The following PKD1L1 variants were observed in gnomAD, a reference collection of about 807,000 sequenced individuals.
PKD1L1 encodes polycystin 1 like 1, transient receptor potential channel interacting, also known as polycystin-1-like protein 1.
In PKD1L1, 236 loss-of-function variants were observed where a neutral mutation model predicts 323.4. The ratio of observed to expected loss-of-function variants is 0.73; its 90% CI spans 0.66 to 0.81. PKD1L1 has a LOEUF of 0.81. Among genes scored for constraint, PKD1L1 ranks in the 40% least tolerant of loss-of-function variants. The pLI, the probability that PKD1L1 is intolerant of heterozygous loss-of-function variation, is 0.00. For synonymous variants in PKD1L1, 1,344 were observed against 1,335.0 expected (o/e 1.01, Z -0.15); for missense variants, 3,320 against 3,508.0 (o/e 0.95, Z 1.35).
the PKD1L1 span, among the ~76,000 whole-genome samples, chr7:47,953,515 A>C: frequency 3.7e-4 from 56 of 152,336 alleles, no homozygotes; most frequent in Admixed American, 2.9e-3. Flanking sequence ...GGTCCCTCTC[A>C]GCTTCCCCAT....
intron 51 of PKD1L1, 66 bp from the exon 52 acceptor site, chr7:47,808,453 G>T: frequency 6.3e-7 from 1 of 1,585,478 alleles, no homozygotes; most frequent in South Asian, 1.1e-5. Context: ...CACCCCATGT[G>T]ACACGCGTTT....
intron 7 of PKD1L1, among the ~76,000 whole-genome samples, chr7:47,924,834 A>G (rs970896261): frequency 1.3e-5 from 2 of 152,224 alleles, no homozygotes; most frequent in Non-Finnish European, 2.9e-5. Context: ...AAAACACTGG[A>G]AGGATCTTGA....
chr7:47,949,649 T>G (rs1223371457), upstream of PKD1L1, among the ~76,000 whole-genome samples: 1 of 152,198 alleles, frequency 6.6e-6, no homozygotes, highest in Non-Finnish European at 1.5e-5. Flanking sequence ...ATACCAACAT[T>G]TAAACCTTCA....
chr7:47,891,071 T>G (rs1237649435), intron 15 of PKD1L1, among the ~76,000 whole-genome samples: 2 of 152,174 alleles, frequency 1.3e-5, no homozygotes, highest in Non-Finnish European at 2.9e-5. Context: ...TCTGCTCACA[T>G]GACTGCCACT....
intron 14 of PKD1L1, among the ~76,000 whole-genome samples, chr7:47,894,386 T>C (rs1055282932): frequency 6.6e-6 from 1 of 152,252 alleles, no homozygotes; most frequent in Non-Finnish European, 1.5e-5. Flanking sequence ...CAGTGAATTG[T>C]TCAGGCTCCT....
In PKD1L1 at chr7:47,792,652, T is replaced by C; in HGVS notation, c.8501A>G (p.Asp2834Gly). The C allele has an allele frequency of 6.2e-7, 1 of 1,613,474 alleles. No individual in the cohort carries two copies. Residue 2834 changes from aspartate to glycine, a missense_variant, in exon 56 of 57, where the codon GAC (aspartate) becomes GGC (glycine). Physicochemically the swap from Asp to Gly is moderately conservative, Grantham distance 94. Coordinates refer to ENST00000289672, the MANE Select transcript of PKD1L1 (RefSeq NM_138295.5). ...EARTEESPLV[D>G]ISSYQAAEPA... ...CTCAGCAGCTTGGTAACTAGAAATG[T>C]CCACTAAGGGACTCTCTTCTGTCCT...
chr7:47,921,942 A>G (rs1414093586), intron 7 of PKD1L1, among the ~76,000 whole-genome samples: 1 of 105,216 alleles, frequency 9.5e-6, no homozygotes, highest in Non-Finnish European at 1.8e-5. Flanking sequence ...TCCCCTTTGC[A>G]CAGTCTCCCT....
intron 7 of PKD1L1, among the ~76,000 whole-genome samples, chr7:47,924,962 C>T (rs1369980139): frequency 6.6e-6 from 1 of 152,118 alleles, no homozygotes; most frequent in Non-Finnish European, 1.5e-5. Flanking sequence ...GGTTGATAAT[C>T]ACCATTCATA....
At chr7:47,929,119 C>A (rs1006748326) in intron 7 of PKD1L1, 85 bp downstream of exon 7, 7 of 1,390,390 alleles carry the variant, frequency 5.0e-6, no homozygotes, top group Middle Eastern at 2.0e-4. Context: ...AATGCAGTTT[C>A]TTTTCTTTTC....
Position 47,880,750 on chromosome 7 carries a change from C to CG in PKD1L1, c.3497dup (p.Tyr1167ValfsTer16). ...TACCCACAGACACTTGCAGGACGTA[C>CG]GTCTCTCCACTGCTCAGAGAGTATG... On this transcript the variant is annotated frameshift_variant, in exon 21 of 57. Transcript: ENST00000289672. LOFTEE classifies it high-confidence loss of function. The CG allele has an allele frequency of 6.2e-7, 1 of 1,608,118 alleles. No homozygotes were observed. The highest frequency in any genetic ancestry group is 1.1e-5 in the South Asian group (1 of 90,750).
intron 8 of PKD1L1, among the ~76,000 whole-genome samples, chr7:47,911,964 A>G (rs1017104959): frequency 6.6e-6 from 1 of 151,910 alleles, no homozygotes; most frequent in Non-Finnish European, 1.5e-5. Context: ...GAAAGGAAGG[A>G]AGGCAGGAAA....
chr7:47,827,260 A>ATTGT (rs1785255023), intron 45 of PKD1L1, 90 bp downstream of exon 45: 30 of 1,153,132 alleles, frequency 2.6e-5, no homozygotes, highest in Non-Finnish European at 3.6e-5. Context: ...CAGGAGAACA[A>ATTGT]TCTCCCAGGA....
intron 50 of PKD1L1, among the ~76,000 whole-genome samples, chr7:47,811,407 G>A (rs748079969): frequency 2.6e-5 from 4 of 152,110 alleles, no homozygotes; most frequent in African/African-American, 7.2e-5. Context: ...CGCCCACCTC[G>A]GCCTCCCAAA....
chr7:47,916,012 G>C (rs1447492655), intron 7 of PKD1L1, among the ~76,000 whole-genome samples: 2 of 152,142 alleles, frequency 1.3e-5, no homozygotes, highest in African/African-American at 4.8e-5. Flanking sequence ...TGTTAAAAAG[G>C]AAATTCTCCA....
chr7:47,903,415 G>A (rs1437191327), intron 12 of PKD1L1, among the ~76,000 whole-genome samples: 1 of 152,204 alleles, frequency 6.6e-6, no homozygotes, highest in African/African-American at 2.4e-5. Flanking sequence ...TGGAGCTACC[G>A]AGTATATCGC....
chr7:47,818,825 T>G (rs1263997782), intron 46 of PKD1L1, among the ~76,000 whole-genome samples: 1 of 152,258 alleles, frequency 6.6e-6, no homozygotes, highest in East Asian at 1.9e-4. Flanking sequence ...TTATTATTTT[T>G]TTTTGGAACT....
At chr7:47,782,363 C>T (rs1786717899) in intron 56 of PKD1L1, among the ~76,000 whole-genome samples, 1 of 152,170 alleles carries the variant, frequency 6.6e-6, no homozygotes, top group African/African-American at 2.4e-5. Flanking sequence ...AAAGTAGAGA[C>T]TGCAAGGAGG....
intron 24 of PKD1L1, among the ~76,000 whole-genome samples, chr7:47,870,001 C>A (rs1786246666): frequency 6.6e-6 from 1 of 151,876 alleles, no homozygotes; most frequent in Admixed American, 6.6e-5. Context: ...ATCAATGGTT[C>A]AAAGAAGAAA....
intron 45 of PKD1L1, among the ~76,000 whole-genome samples, chr7:47,823,269 T>C (rs752694614): frequency 6.6e-5 from 10 of 152,180 alleles, no homozygotes; most frequent in Non-Finnish European, 1.5e-4. Flanking sequence ...TGCTGAGAGG[T>C]TCTTTTTTTT....
Sources: allele counts gnomAD v4.1 joint callset (sites outside exome capture counted in the v4.1 genomes callset), GRCh38; gene constraint gnomAD v4.1.1; transcripts MANE v1.5; gene names NCBI Gene and HGNC (gene_info 2026-07-23, HGNC 2026-07-21).